Variants in WDR64 observed in about 807,000 individuals in gnomAD.
WDR64 encodes the protein WD repeat domain 64, also known as WD repeat-containing protein 64.
WDR64 carries 112 observed loss-of-function variants against 139.3 expected under a neutral mutation model. That is an observed-to-expected ratio of 0.80 (90% confidence interval 0.69 to 0.94). The LOEUF is 0.94. Ranked by LOEUF, WDR64 falls within the 40% of genes least tolerant of loss-of-function variation. The probability of loss-of-function intolerance (pLI) is 0.00; values close to 1 mark genes in which losing one functional copy is unlikely to be tolerated. For synonymous variants in WDR64, 444 were observed against 437.7 expected (o/e 1.01, Z -0.18); for missense variants, 1,206 against 1,293.1 (o/e 0.93, Z 1.03).
chr1:241,707,046 C>T (rs1425049462), intron 8 of WDR64, among the ~76,000 whole-genome samples: 1 of 152,120 alleles, frequency 6.6e-6, no homozygotes, highest in Non-Finnish European at 1.5e-5. Context: ...CAGGCATGCA[C>T]TCTCAGTTCA....
chr1:241,798,770 A>AT (rs1423230007), intron 27 of WDR64, among the ~76,000 whole-genome samples: 2 of 152,218 alleles, frequency 1.3e-5, no homozygotes, highest in African/African-American at 4.8e-5. Context: ...ATCTTAGTCT[A>AT]TTTTGACTTA....
chr1:241,728,679 TGAA>T (rs1207420316), intron 10 of WDR64, among the ~76,000 whole-genome samples: 1 of 152,206 alleles, frequency 6.6e-6, no homozygotes, highest in Non-Finnish European at 1.5e-5. Flanking sequence ...CTATTACACC[TGAA>T]GAAGAACTGA....
chr1:241,715,371 T>C (rs1294261312), intron 9 of WDR64, among the ~76,000 whole-genome samples: 1 of 152,188 alleles, frequency 6.6e-6, no homozygotes, highest in Non-Finnish European at 1.5e-5. Context: ...TCCCCATTGC[T>C]CCTTCCTGAG....
At chr1:241,731,759 TG>T (rs1336289372) in intron 10 of WDR64, among the ~76,000 whole-genome samples, 2 of 152,202 alleles carry the variant, frequency 1.3e-5, no homozygotes, top group African/African-American at 4.8e-5. Context: ...ATTTTCTATT[TG>T]CCAGTTATCA....
intron 10 of WDR64, among the ~76,000 whole-genome samples, chr1:241,726,312 G>A (rs1668838353): frequency 6.6e-6 from 1 of 152,104 alleles, no homozygotes. Context: ...GCTCATGCTT[G>A]TAATCCTGGC....
intron 2 of WDR64, among the ~76,000 whole-genome samples, chr1:241,668,328 T>C (rs1301764756): frequency 6.6e-6 from 1 of 151,448 alleles, no homozygotes; most frequent in Non-Finnish European, 1.5e-5. Context: ...GCCAATAGGG[T>C]GAAACCTCAT....
intron 10 of WDR64, among the ~76,000 whole-genome samples, chr1:241,727,607 T>C (rs1338716326): frequency 1.3e-5 from 2 of 152,166 alleles, no homozygotes; most frequent in African/African-American, 4.8e-5. Context: ...TGTTCTGAGT[T>C]CTGAGTTCTA....
intron 15 of WDR64, among the ~76,000 whole-genome samples, chr1:241,764,378 C>T (rs987976042): frequency 6.6e-6 from 1 of 152,136 alleles, no homozygotes; most frequent in Non-Finnish European, 1.5e-5. Flanking sequence ...GATGACCAGG[C>T]TCAGTGGCTC....
intron 8 of WDR64, among the ~76,000 whole-genome samples, chr1:241,697,770 T>G (rs1238893717): frequency 6.6e-6 from 1 of 152,122 alleles, no homozygotes; most frequent in Non-Finnish European, 1.5e-5. Context: ...CCCTCCATAA[T>G]TCTCTCTAAT....
Position 241,772,785 on chromosome 1 carries a change from C to T in WDR64, c.2291-7C>T, listed in dbSNP as rs769902912. On this transcript the variant is annotated splice_region_variant and splice_polypyrimidine_tract_variant and intron_variant, in intron 19 of 27. Coordinates refer to ENST00000437684, the MANE Select transcript of WDR64 (RefSeq NM_001367482.1). ...GCCTCATGATAGTTCATTAATTTCT[C>T]GAATAGGTGAACAAACAGATGTAAT... 16 of 1,551,294 alleles carry T rather than the reference C, an allele frequency of 1.0e-5. No individual in the cohort carries two copies. The highest frequency in any genetic ancestry group is 1.7e-4 in the Middle Eastern group (1 of 6,016).
intron 9 of WDR64, among the ~76,000 whole-genome samples, chr1:241,722,057 A>C (rs10802983): frequency 0.11 from 17,352 of 152,108 alleles, 1,083 homozygotes; most frequent in Admixed American, 0.18. Context: ...ATATGATAAT[A>C]CATTCTTGGT....
intron 13 of WDR64, among the ~76,000 whole-genome samples, chr1:241,747,508 C>T (rs1008473024): frequency 2.2e-4 from 33 of 152,082 alleles, no homozygotes; most frequent in African/African-American, 8.0e-4. Context: ...ACAAATTTTG[C>T]CAAACACTGA....
intron 8 of WDR64, among the ~76,000 whole-genome samples, chr1:241,702,807 T>A (rs1667772317): frequency 6.6e-6 from 1 of 152,244 alleles, no homozygotes; most frequent in East Asian, 1.9e-4. Context: ...AATAGAGCTG[T>A]AAGGGAATCA....
chr1:241,696,614 T>C (rs1667498831), intron 8 of WDR64, among the ~76,000 whole-genome samples: 1 of 152,062 alleles, frequency 6.6e-6, no homozygotes, highest in Admixed American at 6.6e-5. Context: ...TTTTAGACCA[T>C]AGAGGGTAAC....
intron 23 of WDR64, among the ~76,000 whole-genome samples, chr1:241,784,952 T>TGGAA: frequency 1.8e-5 from 1 of 55,328 alleles, no homozygotes; most frequent in South Asian, 7.7e-4. Context: ...AGACTCTGTC[T>TGGAA]GAAAAAAAAA....
chr1:241,679,877 T>C (rs1666710764), intron 6 of WDR64, among the ~76,000 whole-genome samples: 1 of 152,224 alleles, frequency 6.6e-6, no homozygotes. Context: ...CCAAGTATTA[T>C]CTTTCTTTGG....
chr1:241,700,539 T>C (rs555168747), intron 8 of WDR64, among the ~76,000 whole-genome samples: 1 of 152,296 alleles, frequency 6.6e-6, no homozygotes, highest in African/African-American at 2.4e-5. Context: ...GTCAGGCTTC[T>C]GGCTGGGAGG....
intron 27 of WDR64, 97 bp downstream of exon 27, chr1:241,796,467 G>T: frequency 1.2e-6 from 1 of 804,620 alleles, no homozygotes; most frequent in Non-Finnish European, 1.9e-6. Flanking sequence ...GAAACATTCT[G>T]AACCTAAAAT....
At chr1:241,784,971 A>AAAAAAAAAAAAAAAAAT (rs1658985959) in intron 23 of WDR64, among the ~76,000 whole-genome samples, 1 of 149,928 alleles carries the variant, frequency 6.7e-6, no homozygotes, top group Admixed American at 6.7e-5. Context: ...AAAAAAAAAA[A>AAAAAAAAAAAAAAAAAT]AAAAAGAAAG....
Sources: allele counts gnomAD v4.1 joint callset (sites outside exome capture counted in the v4.1 genomes callset), GRCh38; gene constraint gnomAD v4.1.1; transcripts MANE v1.5; gene names NCBI Gene and HGNC (gene_info 2026-07-23, HGNC 2026-07-21).